The following LHX4 variants were observed in gnomAD, a reference collection of about 807,000 sequenced individuals.
The protein encoded by LHX4 is LIM/homeobox protein Lhx4.
A neutral mutation model predicts 39.2 loss-of-function variants in LHX4; 16 were observed. That is an observed-to-expected ratio of 0.41 (90% CI 0.28 to 0.62). The LOEUF (loss-of-function observed/expected upper bound fraction) is 0.62. Ranked by LOEUF, LHX4 falls within the 20% of genes least tolerant of loss-of-function variation. LHX4 has a pLI of 0.33. For synonymous variants in LHX4, 206 were observed against 198.1 expected, an observed-to-expected ratio of 1.04 and a Z score of -0.33; for missense variants, 439 against 511.9, an observed-to-expected ratio of 0.86 and a Z score of 1.37.
chr1:180,273,602 TAATC>T (rs761116645), intron 5 of LHX4: 1 of 152,578 alleles, frequency 6.6e-6, no homozygotes, highest in Non-Finnish European at 1.5e-5. Context: ...TCATTTGCCT[TAATC>T]AAGTCAATTC....
chr1:180,231,897 G>A (rs1360768291), intron 1 of LHX4, among the ~76,000 whole-genome samples: 1 of 152,062 alleles, frequency 6.6e-6, no homozygotes, highest in Non-Finnish European at 1.5e-5. Flanking sequence ...TTTTGAGAAG[G>A]GACTAGAAAA....
chr1:180,229,959 C>CGGGGG, upstream of LHX4, among the ~76,000 whole-genome samples: 1 of 22,760 alleles, frequency 4.4e-5, no homozygotes, highest in African/African-American at 2.7e-4. Flanking sequence ...GAGGCGGAGG[C>CGGGGG]GGGGAGGGGG....
chr1:180,241,332 G>T (rs577697605), intron 1 of LHX4, among the ~76,000 whole-genome samples: 2 of 152,322 alleles, frequency 1.3e-5, no homozygotes, highest in Non-Finnish European at 2.9e-5. Flanking sequence ...AGAATTAAGG[G>T]AGTGGAGGAG....
chr1:180,237,375 C>T (rs1664349231), intron 1 of LHX4, among the ~76,000 whole-genome samples: 1 of 152,160 alleles, frequency 6.6e-6, no homozygotes, highest in Non-Finnish European at 1.5e-5. Context: ...AAGAAATCAA[C>T]TAAAATTAGA....
At chr1:180,249,868 C>CGTGTGA (rs375121115) in intron 2 of LHX4, among the ~76,000 whole-genome samples, 15,174 of 115,180 alleles carry the variant, frequency 0.13, 1,004 homozygotes, top group Non-Finnish European at 0.17. Flanking sequence ...CTGCTCCCTA[C>CGTGTGA]GTGTGTGTGC....
At chr1:180,268,635 G>T (rs114976283) in intron 3 of LHX4, among the ~76,000 whole-genome samples, 21 of 152,310 alleles carry the variant, frequency 1.4e-4, no homozygotes, top group African/African-American at 5.1e-4. Flanking sequence ...ATAGGATGAG[G>T]CTTGTGAAAT....
At position 180,266,295 on chromosome 1, in the gene LHX4, G is replaced by A. The variant is rs565561604; in HGVS notation, c.249-97G>A. The A allele has an allele frequency of 2.1e-5, 25 of 1,186,170 alleles. No homozygotes were observed. Among genetic ancestry groups the A allele is most frequent in the Middle Eastern group, 2.6e-4 (1 of 3,794 alleles). The allele number at this position is 1,186,170 out of a possible 1,614,324, so 73.5% of individuals were successfully genotyped here. A position where few individuals can be genotyped will look rare whatever the true frequency, so the allele number is the denominator to read the frequency against. Reference sequence around the variant, plus strand: ...TGGGGGGTGAGGCTCATGGAGTCCCGGAGTGGTGGGGTAGGAGGGAGGCTG... The same window carrying A: ...TGGGGGGTGAGGCTCATGGAGTCCCAGAGTGGTGGGGTAGGAGGGAGGCTG... On this transcript the variant is annotated intron_variant, in intron 2 of 5. Transcript: ENST00000263726. This position sits in a 1 kb window ranked among gnomAD's most constrained non-coding sequence, Gnocchi z 5.7.
upstream of LHX4, among the ~76,000 whole-genome samples, chr1:180,229,969 G>A (rs1368267606): frequency 1.4e-5 from 2 of 145,124 alleles, no homozygotes; most frequent in Non-Finnish European, 3.1e-5. Flanking sequence ...CGGGGAGGGG[G>A]GGGGGGTGCC....
At chr1:180,261,546 T>A (rs1648113871) in intron 2 of LHX4, among the ~76,000 whole-genome samples, 2 of 152,122 alleles carry the variant, frequency 1.3e-5, no homozygotes, top group African/African-American at 4.8e-5. Context: ...TCCTAGCTGC[T>A]CAGGAGGCCG....
intron 3 of LHX4, chr1:180,270,616 T>C (rs1395950228): frequency 6.5e-6 from 1 of 153,346 alleles, no homozygotes; most frequent in Non-Finnish European, 1.5e-5. Context: ...TCAGTCAGTG[T>C]GTTGCCCAGA....
intron 3 of LHX4, 58 bp from the exon 4 acceptor site, chr1:180,271,319 GGGA>G: frequency 6.3e-7 from 1 of 1,585,014 alleles, no homozygotes; most frequent in Non-Finnish European, 8.7e-7. Flanking sequence ...GGGAGGGTGT[GGGA>G]GGAGGCGCAG....
chr1:180,243,926 C>G (rs113659901), intron 1 of LHX4, among the ~76,000 whole-genome samples: 6 of 152,330 alleles, frequency 3.9e-5, no homozygotes, highest in African/African-American at 1.2e-4. Context: ...GGGGATGGTT[C>G]AGGCCCCTTG....
chr1:180,271,731 C>A, intron 4 of LHX4, 104 bp from the exon 5 acceptor site: 1 of 1,376,490 alleles, frequency 7.3e-7, no homozygotes. Flanking sequence ...ACCTGTGCTC[C>A]ATTCAGGCTT....
upstream of LHX4, among the ~76,000 whole-genome samples, chr1:180,228,946 G>C (rs1664088161): frequency 6.6e-6 from 1 of 151,494 alleles, no homozygotes; most frequent in African/African-American, 2.5e-5. Context: ...AAATGCCGTG[G>C]GGGCTGGGGG....
At chr1:180,246,311 A>T (rs1399276471) in intron 1 of LHX4, among the ~76,000 whole-genome samples, 1 of 152,236 alleles carries the variant, frequency 6.6e-6, no homozygotes, top group Non-Finnish European at 1.5e-5. Context: ...CCTTCTCTCT[A>T]CATAGGTTTA....
At chr1:180,251,820 A>G (rs1227143075) in intron 2 of LHX4, among the ~76,000 whole-genome samples, 1 of 152,204 alleles carries the variant, frequency 6.6e-6, no homozygotes, top group Admixed American at 6.5e-5. Flanking sequence ...AATGCAGGGC[A>G]TCTGGCCACG....
chr1:180,239,220 C>T (rs923217016), intron 1 of LHX4, among the ~76,000 whole-genome samples: 8 of 152,140 alleles, frequency 5.3e-5, no homozygotes, highest in East Asian at 1.9e-4. Flanking sequence ...AGTTATTCCC[C>T]GACTAAATCA....
intron 2 of LHX4, among the ~76,000 whole-genome samples, chr1:180,261,334 G>A (rs1418232537): frequency 6.7e-6 from 1 of 150,316 alleles, no homozygotes; most frequent in Non-Finnish European, 1.5e-5. Context: ...GTACATGGAT[G>A]GAAGGAGCCA....
intron 1 of LHX4, among the ~76,000 whole-genome samples, chr1:180,239,668 C>T (rs1664404024): frequency 1.3e-5 from 2 of 152,188 alleles, no homozygotes; most frequent in South Asian, 2.1e-4. Context: ...AGGTTTAGTC[C>T]TAATTCGGCC....
Sources: gnomAD v4.1 joint callset for allele counts (sites outside exome capture counted in the v4.1 genomes callset) on GRCh38, gnomAD v4.1.1 for gene constraint, Gnocchi (gnomAD v3.1) non-coding constraint, MANE v1.5 for transcripts, NCBI Gene and HGNC (gene_info 2026-07-23, HGNC 2026-07-21) for gene names.